The following HSD17B12 variants were observed in gnomAD, a reference collection of about 807,000 sequenced individuals.
The protein encoded by HSD17B12 is very-long-chain 3-oxoacyl-CoA reductase.
In HSD17B12, 32 loss-of-function variants were observed where a neutral mutation model predicts 39.3. That is an observed-to-expected ratio of 0.81 (90% CI 0.61 to 1.09). HSD17B12 has a LOEUF of 1.09. HSD17B12 is among the 50% of genes least tolerant of loss of function. The probability of loss-of-function intolerance (pLI) is 0.00; values close to 1 mark genes in which losing one functional copy is unlikely to be tolerated. For missense variants in HSD17B12, 342 were observed against 382.9 expected, an observed-to-expected ratio of 0.89 and a Z score of 0.89; for synonymous variants, 150 against 146.7, an observed-to-expected ratio of 1.02 and a Z score of -0.16.
At chr11:43,584,509 T>C in the HSD17B12 span, 2 of 152,454 alleles carry the variant, frequency 1.3e-5, no homozygotes, top group Non-Finnish European at 2.9e-5. Context: ...ATCACTCCCA[T>C]TCTCCTTCTG....
intron 7 of HSD17B12, among the ~76,000 whole-genome samples, chr11:43,835,229 A>G (rs1951357552): frequency 6.6e-6 from 1 of 152,034 alleles, no homozygotes; most frequent in Admixed American, 6.5e-5. Flanking sequence ...CTTCTGCTTG[A>G]TATAACAGAG....
At chr11:43,603,075 T>C in the HSD17B12 span, among the ~76,000 whole-genome samples, 1 of 152,342 alleles carries the variant, frequency 6.6e-6, no homozygotes, top group South Asian at 2.1e-4. Flanking sequence ...TGTTGCAGAA[T>C]AGTTGCACAC....
chr11:43,607,281 T>A, the HSD17B12 span, among the ~76,000 whole-genome samples: 2 of 30,978 alleles, frequency 6.5e-5, no homozygotes, highest in African/African-American at 9.6e-5. Flanking sequence ...TGCTCCTGAG[T>A]GTGTGTGTGT....
At position 43,831,084 on chromosome 11, in the gene HSD17B12, G is replaced by GA. The variant is rs1951305372; in HGVS notation, c.536+80dup. The stretch of plus-strand genomic sequence containing the variant: ...TATTTAGAGGGAGAATCCTTGCTTT[G>GA]AAAAAATCACTGAAGTGACTAATGA... On this transcript the variant is annotated intron_variant, in intron 7 of 10. Coordinates refer to ENST00000278353, the MANE Select transcript of HSD17B12 (RefSeq NM_016142.3). This position sits in a 1 kb window ranked among gnomAD's most constrained non-coding sequence, Gnocchi z 4.1. 3.6e-6 allele frequency: 5 copies of GA among 1,390,106 alleles called. No homozygotes were observed. Among genetic ancestry groups the GA allele is most frequent in the South Asian group, 1.3e-5 (1 of 77,712 alleles). The allele number at this position is 1,390,106 out of a possible 1,614,324, so 86.1% of individuals were successfully genotyped here. A position where few individuals can be genotyped will look rare whatever the true frequency, so the allele number is the denominator to read the frequency against.
chr11:43,739,929 G>A (rs1170900323), intron 1 of HSD17B12, among the ~76,000 whole-genome samples: 1 of 152,124 alleles, frequency 6.6e-6, no homozygotes, highest in Non-Finnish European at 1.5e-5. Flanking sequence ...GTTTTAGGCA[G>A]GGAAGTGAAG....
chr11:43,614,904 C>T, the HSD17B12 span, among the ~76,000 whole-genome samples: 1 of 151,910 alleles, frequency 6.6e-6, no homozygotes, highest in African/African-American at 2.4e-5. Context: ...CTTTTAAAGT[C>T]CTTAAATACT....
At chr11:43,805,179 A>G (rs1160676908) in intron 4 of HSD17B12, among the ~76,000 whole-genome samples, 2 of 152,370 alleles carry the variant, frequency 1.3e-5, no homozygotes, top group African/African-American at 4.8e-5. Context: ...TTAGAAATAC[A>G]TAATGCTACA....
chr11:43,736,578 A>G (rs1344431614), intron 1 of HSD17B12, among the ~76,000 whole-genome samples: 1 of 152,198 alleles, frequency 6.6e-6, no homozygotes, highest in Admixed American at 6.5e-5. Flanking sequence ...TCCTCATACC[A>G]TGGGATTGTG....
the HSD17B12 span, among the ~76,000 whole-genome samples, chr11:43,586,482 A>C: frequency 6.6e-6 from 1 of 152,184 alleles, no homozygotes; most frequent in Non-Finnish European, 1.5e-5. Flanking sequence ...TCTGGGTGGC[A>C]GTTGATTCTC....
chr11:43,700,192 A>AATTT (rs913550616), intron 1 of HSD17B12, among the ~76,000 whole-genome samples: 37 of 151,986 alleles, frequency 2.4e-4, no homozygotes, highest in Admixed American at 7.2e-4. Flanking sequence ...AAAAAGTCCT[A>AATTT]ATTTATTTAT....
the HSD17B12 span, among the ~76,000 whole-genome samples, chr11:43,590,276 A>G: frequency 0.45 from 68,654 of 151,106 alleles, 16,060 homozygotes; most frequent in East Asian, 0.73. Flanking sequence ...CATAAGGGGA[A>G]CTCGCTCAAG....
At chr11:43,835,841 A>G (rs1449561667) in intron 7 of HSD17B12, among the ~76,000 whole-genome samples, 1 of 152,180 alleles carries the variant, frequency 6.6e-6, no homozygotes, top group Non-Finnish European at 1.5e-5. Flanking sequence ...TGCCTTAAGG[A>G]GCAAACAAGT....
chr11:43,845,421 A>G (rs776826528), intron 9 of HSD17B12, among the ~76,000 whole-genome samples: 1 of 152,162 alleles, frequency 6.6e-6, no homozygotes, highest in Non-Finnish European at 1.5e-5. Context: ...CTCTTCCTCC[A>G]CTAAAGAATG....
At chr11:43,810,597 T>G (rs1951063638) in intron 4 of HSD17B12, among the ~76,000 whole-genome samples, 1 of 152,056 alleles carries the variant, frequency 6.6e-6, no homozygotes, top group South Asian at 2.1e-4. Context: ...TCCACTTCCT[T>G]TGGCATTATT....
intron 3 of HSD17B12, among the ~76,000 whole-genome samples, chr11:43,790,075 A>G (rs1236174966): frequency 6.6e-6 from 1 of 152,220 alleles, no homozygotes; most frequent in East Asian, 1.9e-4. Context: ...AAATTCACCA[A>G]TTAAACTGAC....
chr11:43,779,552 C>A (rs567313547), intron 3 of HSD17B12, among the ~76,000 whole-genome samples: 113 of 152,238 alleles, frequency 7.4e-4, no homozygotes, highest in African/African-American at 2.6e-3. Flanking sequence ...GCCCGAGATA[C>A]CTTGCTGTCT....
chr11:43,788,110 T>G (rs1950832779), intron 3 of HSD17B12, among the ~76,000 whole-genome samples: 1 of 152,066 alleles, frequency 6.6e-6, no homozygotes, highest in African/African-American at 2.4e-5. Context: ...AAGGGAGAAA[T>G]AGTATGGTGG....
At chr11:43,784,158 A>G (rs1001522362) in intron 3 of HSD17B12, among the ~76,000 whole-genome samples, 2 of 152,120 alleles carry the variant, frequency 1.3e-5, no homozygotes, top group African/African-American at 4.8e-5. Context: ...GGTCCACATG[A>G]AAGAGTCATG....
intron 3 of HSD17B12, among the ~76,000 whole-genome samples, chr11:43,763,975 A>G (rs1268715636): frequency 2.0e-5 from 3 of 152,126 alleles, no homozygotes; most frequent in Non-Finnish European, 4.4e-5. Context: ...TTTTCCACAG[A>G]TGGCGTGAAG....
Sources: gnomAD v4.1 joint callset for allele counts (sites outside exome capture counted in the v4.1 genomes callset) on GRCh38, gnomAD v4.1.1 for gene constraint, Gnocchi (gnomAD v3.1) non-coding constraint, MANE v1.5 for transcripts, NCBI Gene and HGNC (gene_info 2026-07-23, HGNC 2026-07-21) for gene names.